The following IDO2 variants were observed in gnomAD, a reference collection of about 807,000 sequenced individuals.
The protein encoded by IDO2 is indoleamine 2,3-dioxygenase-like 1 protein.
Under a neutral mutation model 45.1 loss-of-function variants are expected in IDO2, and 46 were observed. The observed-to-expected ratio is 1.02, with a 90% CI of 0.80 to 1.30. The LOEUF (loss-of-function observed/expected upper bound fraction) is 1.30. Ranked by LOEUF, IDO2 falls within the 50% of genes most tolerant of loss-of-function variation. The probability of loss-of-function intolerance (pLI) is 0.00; values close to 1 mark genes in which losing one functional copy is unlikely to be tolerated. For synonymous variants in IDO2, 218 were observed against 184.9 expected (o/e 1.18, Z -1.45); for missense variants, 544 against 491.8 (o/e 1.11, Z -1.00).
At chr8:39,936,811 G>T (rs1021726208) in intron 1 of IDO2, among the ~76,000 whole-genome samples, 8 of 152,280 alleles carry the variant, frequency 5.3e-5, no homozygotes, top group Admixed American at 5.2e-4. Flanking sequence ...TGTTCCATTT[G>T]TTTGAAACTG....
At chr8:39,967,009 T>C (rs1405855638) in intron 3 of IDO2, among the ~76,000 whole-genome samples, 1 of 152,088 alleles carries the variant, frequency 6.6e-6, no homozygotes, top group Non-Finnish European at 1.5e-5. Context: ...AAAGAACTAT[T>C]AGAAATAAAA....
intron 3 of IDO2, among the ~76,000 whole-genome samples, chr8:39,972,609 CAAAAAAAAAA>C (rs35394460): frequency 8.7e-5 from 3 of 34,550 alleles, no homozygotes; most frequent in African/African-American, 1.2e-4. Context: ...GACTCCATCT[CAAAAAAAAAA>C]AAAAAAAAAA....
At chr8:39,968,707 T>G (rs888884107) in intron 3 of IDO2, among the ~76,000 whole-genome samples, 9 of 151,172 alleles carry the variant, frequency 6.0e-5, no homozygotes, top group African/African-American at 2.2e-4. Flanking sequence ...CCGGGGCCTG[T>G]TGTGGGGTGG....
At chr8:39,984,649 A>G (rs1385529439) in intron 5 of IDO2, among the ~76,000 whole-genome samples, 1 of 152,184 alleles carries the variant, frequency 6.6e-6, no homozygotes, top group Non-Finnish European at 1.5e-5. Context: ...CACAGAGCTA[A>G]GTGCTATGAA....
At chr8:39,954,773 A>C (rs1310420911) in intron 2 of IDO2, among the ~76,000 whole-genome samples, 1 of 148,106 alleles carries the variant, frequency 6.8e-6, no homozygotes, top group Non-Finnish European at 1.5e-5. Flanking sequence ...CTCCTGCCTC[A>C]GTCTCCTGAA....
chr8:39,955,858 T>C (rs1175804740), intron 2 of IDO2, among the ~76,000 whole-genome samples: 1 of 152,200 alleles, frequency 6.6e-6, no homozygotes, highest in African/African-American at 2.4e-5. Context: ...ATAATAATAA[T>C]GTTCTAACAT....
chr8:39,985,514 G>A (rs1385600452), exon 6 of IDO2: 3 of 1,564,582 alleles, frequency 1.9e-6, no homozygotes, highest in Non-Finnish European at 1.7e-6. Context: ...CTAGATTCCT[G>A]GAAATTGGGT....
intron 3 of IDO2, among the ~76,000 whole-genome samples, chr8:39,965,275 C>T (rs1010035476): frequency 6.6e-6 from 1 of 152,112 alleles, no homozygotes; most frequent in African/African-American, 2.4e-5. Flanking sequence ...TGCCTGAGCT[C>T]AGGAGTTCGA....
At chr8:40,014,592 G>A (rs1416701976) in intron 10 of IDO2, among the ~76,000 whole-genome samples, 1 of 152,164 alleles carries the variant, frequency 6.6e-6, no homozygotes, top group Non-Finnish European at 1.5e-5. Context: ...TCAAGGGTTT[G>A]TGTTCTACAT....
intron 8 of IDO2, among the ~76,000 whole-genome samples, chr8:40,002,615 G>A (rs1037017296): frequency 2.6e-5 from 4 of 151,964 alleles, no homozygotes; most frequent in East Asian, 1.9e-4. Context: ...ATGAAACCCC[G>A]TCTCTACTAA....
intron 6 of IDO2, among the ~76,000 whole-genome samples, chr8:39,986,632 T>C (rs995987494): frequency 6.6e-6 from 1 of 152,026 alleles, no homozygotes; most frequent in Admixed American, 6.6e-5. Flanking sequence ...ATGATTCCTC[T>C]GTAACAGCCT....
chr8:40,013,509 A>T, intron 9 of IDO2, 56 bp from the exon 10 acceptor site: 1 of 1,515,264 alleles, frequency 6.6e-7, no homozygotes, highest in Non-Finnish European at 9.0e-7. Flanking sequence ...CATGTCAGAA[A>T]ATATACCATT....
At chr8:39,991,704 G>T (rs1801932526) in intron 8 of IDO2, among the ~76,000 whole-genome samples, 1 of 151,792 alleles carries the variant, frequency 6.6e-6, no homozygotes, top group Admixed American at 6.6e-5. Flanking sequence ...CCTAGTAGCT[G>T]GGATTATAGG....
intron 8 of IDO2, among the ~76,000 whole-genome samples, chr8:40,000,937 A>C (rs1257500542): frequency 6.6e-6 from 1 of 152,176 alleles, no homozygotes. Flanking sequence ...ATAGGCGTAT[A>C]GTGGTGCTTC....
At chr8:40,014,943 G>A (rs1802364165) in intron 10 of IDO2, among the ~76,000 whole-genome samples, 1 of 152,122 alleles carries the variant, frequency 6.6e-6, no homozygotes, top group African/African-American at 2.4e-5. Context: ...GAGCCCAGGA[G>A]TTCAAGACAA....
chr8:39,956,148 C>T (rs976171367), intron 2 of IDO2, among the ~76,000 whole-genome samples: 3 of 151,512 alleles, frequency 2.0e-5, no homozygotes, highest in Non-Finnish European at 4.4e-5. Context: ...CAATCTCCAC[C>T]TCCTGGCTCA....
chr8:40,014,420 A>G (rs187364657), intron 10 of IDO2, among the ~76,000 whole-genome samples: 3 of 152,316 alleles, frequency 2.0e-5, no homozygotes, highest in Non-Finnish European at 4.4e-5. Flanking sequence ...TATTGATTTG[A>G]TTTTTAAATC....
intron 2 of IDO2, among the ~76,000 whole-genome samples, chr8:39,955,401 C>T (rs1310745866): frequency 1.3e-5 from 2 of 151,510 alleles, no homozygotes; most frequent in African/African-American, 4.9e-5. Flanking sequence ...ATTACAGGTG[C>T]GGGCCATCAC....
intron 1 of IDO2, among the ~76,000 whole-genome samples, chr8:39,945,942 G>C (rs1807721431): frequency 2.0e-5 from 3 of 152,128 alleles, no homozygotes; most frequent in Admixed American, 6.5e-5. Context: ...ATAGTTTTTA[G>C]TTTAAAACAA....
Sources: allele counts gnomAD v4.1 joint callset (sites outside exome capture counted in the v4.1 genomes callset), GRCh38; gene constraint gnomAD v4.1.1; transcripts MANE v1.5; gene names NCBI Gene and HGNC (gene_info 2026-07-23, HGNC 2026-07-21).